Variants in RNLS observed in about 807,000 individuals in gnomAD.
RNLS encodes renalase, FAD dependent amine oxidase.
RNLS carries 39 observed loss-of-function variants against 39.8 expected under a neutral mutation model. The ratio of observed to expected loss-of-function variants is 0.98; its 90% CI spans 0.76 to 1.28. The LOEUF (loss-of-function observed/expected upper bound fraction) is 1.28, where lower values mean the gene tolerates loss of function less well. RNLS is among the 50% of genes most tolerant of loss of function. The pLI, the probability that RNLS is intolerant of heterozygous loss-of-function variation, is 0.00. For missense variants in RNLS, 410 were observed against 413.3 expected, an observed-to-expected ratio of 0.99 and a Z score of 0.07; for synonymous variants, 147 against 150.7, an observed-to-expected ratio of 0.98 and a Z score of 0.18.
chr10:88,261,897 T>C, the RNLS span, among the ~76,000 whole-genome samples: 2 of 152,098 alleles, frequency 1.3e-5, no homozygotes, highest in African/African-American at 4.8e-5. Context: ...CAGAAGAGAA[T>C]CAATGTAATC....
At chr10:88,544,576 T>C (rs188834441) in intron 4 of RNLS, among the ~76,000 whole-genome samples, 2 of 152,324 alleles carry the variant, frequency 1.3e-5, no homozygotes, top group African/African-American at 2.4e-5. Context: ...CTCACAAGAA[T>C]CTTTTCCAGA....
At chr10:88,530,452 T>G (rs1180495967) in intron 4 of RNLS, among the ~76,000 whole-genome samples, 5 of 152,206 alleles carry the variant, frequency 3.3e-5, no homozygotes, top group Non-Finnish European at 7.4e-5. Context: ...CTTTCATGTT[T>G]TTTCCTCTGT....
intron 4 of RNLS, among the ~76,000 whole-genome samples, chr10:88,424,559 A>C (rs554637739): frequency 6.6e-6 from 1 of 152,222 alleles, no homozygotes; most frequent in South Asian, 2.1e-4. Context: ...TGATGACTTG[A>C]GGCAGCCCAC....
chr10:88,547,026 A>G (rs1405233799), intron 4 of RNLS, among the ~76,000 whole-genome samples: 2 of 152,194 alleles, frequency 1.3e-5, no homozygotes, highest in Admixed American at 6.5e-5. Context: ...CTAAATTGAT[A>G]GTATGTGCCT....
the RNLS span, among the ~76,000 whole-genome samples, chr10:88,213,162 C>A: frequency 6.6e-6 from 1 of 152,094 alleles, no homozygotes; most frequent in Admixed American, 6.6e-5. Flanking sequence ...GATTTTTATG[C>A]TAACATTGCA....
chr10:88,569,722 A>G (rs1292304324), intron 4 of RNLS, among the ~76,000 whole-genome samples: 1 of 152,082 alleles, frequency 6.6e-6, no homozygotes, highest in East Asian at 1.9e-4. Flanking sequence ...TGGGGAAAAG[A>G]CTCCCTATTT....
intron 4 of RNLS, among the ~76,000 whole-genome samples, chr10:88,502,282 C>T (rs986043298): frequency 8.2e-6 from 1 of 122,388 alleles, no homozygotes; most frequent in African/African-American, 3.1e-5. Context: ...AGGAGGAGGC[C>T]CTTTAGCAGA....
chr10:88,496,488 G>A (rs956153879), intron 4 of RNLS, among the ~76,000 whole-genome samples: 3 of 152,174 alleles, frequency 2.0e-5, no homozygotes, highest in Admixed American at 1.3e-4. Context: ...TTCTGGACTG[G>A]AGAATATGAA....
At chr10:88,308,030 G>T (rs1272838615) in intron 6 of RNLS, among the ~76,000 whole-genome samples, 1 of 152,156 alleles carries the variant, frequency 6.6e-6, no homozygotes, top group African/African-American at 2.4e-5. Flanking sequence ...AATGGGGAAA[G>T]GATTCCCTAT....
the RNLS span, among the ~76,000 whole-genome samples, chr10:88,237,822 G>C: frequency 6.6e-6 from 1 of 152,144 alleles, no homozygotes; most frequent in African/African-American, 2.4e-5. Flanking sequence ...ACCAAAAAAA[G>C]TAATTAAATA....
At chr10:88,567,969 G>T (rs1368817360) in intron 4 of RNLS, among the ~76,000 whole-genome samples, 3 of 152,122 alleles carry the variant, frequency 2.0e-5, no homozygotes, top group Admixed American at 6.5e-5. Context: ...AATACCCACT[G>T]CCATCCCACA....
intron 4 of RNLS, among the ~76,000 whole-genome samples, chr10:88,379,096 A>G (rs530068026): frequency 3.3e-4 from 50 of 152,368 alleles, no homozygotes; most frequent in African/African-American, 1.1e-3. Flanking sequence ...CTCTGGCATT[A>G]TGATGGCTAC....
chr10:88,260,313 T>C, the RNLS span, among the ~76,000 whole-genome samples: 2 of 152,246 alleles, frequency 1.3e-5, no homozygotes, highest in Non-Finnish European at 1.5e-5. Flanking sequence ...ACAGGTGTTA[T>C]TTATGGCAAA....
chr10:88,530,293 A>G (rs1364829085), intron 4 of RNLS, among the ~76,000 whole-genome samples: 1 of 152,196 alleles, frequency 6.6e-6, no homozygotes, highest in Non-Finnish European at 1.5e-5. Context: ...TCTGCAATAG[A>G]TCTTGTTTCT....
chr10:88,470,735 C>A lies in RNLS; in HGVS notation c.526+102168G>T, dbSNP rs141599213. On this transcript the variant is annotated intron_variant, in intron 4 of 6. Transcript: ENST00000331772. ...GATTCAAGCAATTCTCCTGCCTCAG[C>A]CTCCTGAGTAGCTGGGATTACAGGA... Among the ~76,000 whole-genome samples the A allele has an allele frequency of 3.8e-3, 572 of 151,874 alleles. 12 individuals are homozygous for A. The highest frequency in any genetic ancestry group is 0.019 in the Admixed American group (286 of 15,226).
chr10:88,448,504 G>A (rs949310951), intron 4 of RNLS, among the ~76,000 whole-genome samples: 32 of 152,198 alleles, frequency 2.1e-4, no homozygotes, highest in Non-Finnish European at 3.5e-4. Context: ...GAAACAACAG[G>A]TGCTGGAGAG....
In RNLS at chr10:88,296,273, G is replaced by A. The variant is rs554411720; in HGVS notation, c.877-10767C>T. ...GCAAAGGACTGAAAGTGCTTTCCAT[G>A]GTGAGTCCAGAGATAAGCTGAAAAT... On this transcript the variant is annotated intron_variant, in intron 6 of 6. Transcript: ENST00000331772. Among the ~76,000 whole-genome samples, 184 of 152,224 alleles carry A rather than the reference G, an allele frequency of 1.2e-3. 1 individual carries two copies. Among genetic ancestry groups the A allele is most frequent in the African/African-American group, 4.2e-3 (175 of 41,554 alleles).
intron 4 of RNLS, among the ~76,000 whole-genome samples, chr10:88,444,200 T>G (rs576883711): frequency 6.6e-6 from 1 of 152,212 alleles, no homozygotes; most frequent in African/African-American, 2.4e-5. Context: ...TGCTGATACC[T>G]AGGCAAACAG....
chr10:88,471,644 A>C (rs913791748), intron 4 of RNLS, among the ~76,000 whole-genome samples: 14 of 152,214 alleles, frequency 9.2e-5, no homozygotes. Flanking sequence ...AAAGCTGTTA[A>C]ATTCACAGGG....
Sources: gnomAD v4.1 joint callset for allele counts (sites outside exome capture counted in the v4.1 genomes callset) on GRCh38, gnomAD v4.1.1 for gene constraint, MANE v1.5 for transcripts, NCBI Gene and HGNC (gene_info 2026-07-23, HGNC 2026-07-21) for gene names.